LDLRAD3: variants seen among roughly 807,000 people sequenced by gnomAD.
LDLRAD3 encodes low-density lipoprotein receptor class A domain-containing protein 3.
Under a neutral mutation model 29.4 loss-of-function variants are expected in LDLRAD3, and 20 were observed. The ratio of observed to expected loss-of-function variants is 0.68; its 90% confidence interval spans 0.48 to 0.99. The LOEUF (loss-of-function observed/expected upper bound fraction) is 0.99. Among genes scored for constraint, LDLRAD3 ranks in the 50% least tolerant of loss-of-function variants. The pLI is 0.00. For synonymous variants in LDLRAD3, 157 were observed against 192.7 expected (o/e 0.81, Z 1.53); for missense variants, 420 against 454.3 (o/e 0.92, Z 0.69).
chr11:36,141,014 C>CTCTCTCTCTCTG (rs1854077194), intron 4 of LDLRAD3, among the ~76,000 whole-genome samples: 1 of 151,172 alleles, frequency 6.6e-6, no homozygotes, highest in Non-Finnish European at 1.5e-5. Context: ...CTCTCTCTCT[C>CTCTCTCTCTCTG]TCTCTCTCTC....
intron 3 of LDLRAD3, among the ~76,000 whole-genome samples, chr11:36,089,587 C>T (rs1203832416): frequency 2.0e-5 from 3 of 152,032 alleles, no homozygotes; most frequent in Admixed American, 2.0e-4. Flanking sequence ...GCCACAAAGC[C>T]CAGCTAATTT....
chr11:36,223,090 A>G (rs1855451565), intron 4 of LDLRAD3, among the ~76,000 whole-genome samples: 1 of 152,208 alleles, frequency 6.6e-6, no homozygotes, highest in African/African-American at 2.4e-5. Context: ...AGGCTCATTA[A>G]GCTCTTAAGA....
intron 1 of LDLRAD3, among the ~76,000 whole-genome samples, chr11:36,023,752 G>A (rs1852127824): frequency 6.6e-6 from 1 of 152,154 alleles, no homozygotes; most frequent in African/African-American, 2.4e-5. Context: ...TATGCATGGG[G>A]AAACTGAGGC....
chr11:35,948,981 C>T (rs1851096525), intron 1 of LDLRAD3, among the ~76,000 whole-genome samples: 1 of 152,136 alleles, frequency 6.6e-6, no homozygotes, highest in South Asian at 2.1e-4. Context: ...AGCAAGTGTC[C>T]TTGCCATGCA....
At chr11:36,167,975 G>A (rs2133344686) in intron 4 of LDLRAD3, among the ~76,000 whole-genome samples, 1 of 152,232 alleles carries the variant, frequency 6.6e-6, no homozygotes, top group Non-Finnish European at 1.5e-5. Context: ...ACTGTGGGTG[G>A]GAATGAATTG....
intron 4 of LDLRAD3, among the ~76,000 whole-genome samples, chr11:36,101,629 C>A (rs1359179713): frequency 6.6e-6 from 1 of 152,110 alleles, no homozygotes; most frequent in Non-Finnish European, 1.5e-5. Context: ...GCAGCCTCAT[C>A]CTTCGTAGGG....
chr11:36,181,370 G>A (rs532402660), intron 4 of LDLRAD3, among the ~76,000 whole-genome samples: 1 of 152,238 alleles, frequency 6.6e-6, no homozygotes, highest in South Asian at 2.1e-4. Flanking sequence ...AGCTAATTAA[G>A]TGCTGGATAA....
chr11:36,130,897 CT>C (rs2133305681), intron 4 of LDLRAD3, among the ~76,000 whole-genome samples: 1 of 152,328 alleles, frequency 6.6e-6, no homozygotes, highest in South Asian at 2.1e-4. Flanking sequence ...TGCGCACTAT[CT>C]CTTTCATGGA....
At chr11:35,988,205 G>C (rs1296156258) in intron 1 of LDLRAD3, among the ~76,000 whole-genome samples, 2 of 152,072 alleles carry the variant, frequency 1.3e-5, no homozygotes, top group African/African-American at 4.8e-5. Context: ...CTACAGGCAT[G>C]CGCCACTATG....
chr11:36,067,842 A>G (rs1852821582), intron 2 of LDLRAD3, among the ~76,000 whole-genome samples: 1 of 151,386 alleles, frequency 6.6e-6, no homozygotes. Flanking sequence ...TTTTTTTTGT[A>G]TTTTTTTTGT....
chr11:36,054,948 T>C (rs574375086), intron 2 of LDLRAD3, among the ~76,000 whole-genome samples: 10 of 119,914 alleles, frequency 8.3e-5, no homozygotes, highest in African/African-American at 3.0e-4. Flanking sequence ...GGATTGATGA[T>C]GGATACACGG....
chr11:36,119,923 A>G (rs1019264282), intron 4 of LDLRAD3, among the ~76,000 whole-genome samples: 3 of 152,022 alleles, frequency 2.0e-5, no homozygotes, highest in African/African-American at 4.8e-5. Context: ...AGTGCCAGAG[A>G]TTTACTCTTA....
chr11:35,957,477 C>G (rs978827222), intron 1 of LDLRAD3, among the ~76,000 whole-genome samples: 1 of 152,084 alleles, frequency 6.6e-6, no homozygotes, highest in Non-Finnish European at 1.5e-5. Flanking sequence ...CAGTTGGAAT[C>G]GTGTAGGATG....
At chr11:36,103,339 A>G (rs1281659613) in intron 4 of LDLRAD3, among the ~76,000 whole-genome samples, 3 of 148,336 alleles carry the variant, frequency 2.0e-5, no homozygotes, top group Admixed American at 6.9e-5. Flanking sequence ...CCGGGTTCAC[A>G]CCATTCTCCT....
In LDLRAD3 at chr11:36,067,195, G is replaced by C. The variant is rs1259937282; in HGVS notation, c.194-14458G>C. 7.9e-5 allele frequency among the ~76,000 whole-genome samples: 12 copies of C among 152,060 alleles called. 1 individual carries two copies. The stretch of plus-strand genomic sequence containing the variant: ...AGGCTGAGTGGGTCCCACTCTTTCT[G>C]AGTTCCTTTTGCATTCTGGCCATTC... On this transcript the variant is annotated intron_variant, in intron 2 of 5. Coordinates refer to ENST00000315571, the MANE Select transcript of LDLRAD3 (RefSeq NM_174902.4).
At chr11:36,096,109 A>G (rs1489907971) in intron 3 of LDLRAD3, among the ~76,000 whole-genome samples, 4 of 152,162 alleles carry the variant, frequency 2.6e-5, no homozygotes, top group African/African-American at 9.7e-5. Flanking sequence ...AGTTTACATC[A>G]TTGGTCCATC....
intron 1 of LDLRAD3, among the ~76,000 whole-genome samples, chr11:36,002,255 T>C (rs538152161): frequency 6.6e-6 from 1 of 152,344 alleles, no homozygotes; most frequent in South Asian, 2.1e-4. Context: ...TTAACAGTCA[T>C]TCCTGTTGAT....
At chr11:36,042,561 A>G (rs892876308) in intron 2 of LDLRAD3, among the ~76,000 whole-genome samples, 2 of 152,118 alleles carry the variant, frequency 1.3e-5, no homozygotes, top group Non-Finnish European at 1.5e-5. Flanking sequence ...CAACACTATC[A>G]TTTTGGGTTG....
intron 4 of LDLRAD3, among the ~76,000 whole-genome samples, chr11:36,168,788 G>T (rs1854554252): frequency 6.6e-6 from 1 of 152,074 alleles, no homozygotes; most frequent in South Asian, 2.1e-4. Flanking sequence ...GAAAAGTTGG[G>T]TTCCCCTTAA....
Sources: allele counts gnomAD v4.1 joint callset (sites outside exome capture counted in the v4.1 genomes callset), GRCh38; gene constraint gnomAD v4.1.1; transcripts MANE v1.5; gene names NCBI Gene and HGNC (gene_info 2026-07-23, HGNC 2026-07-21).